ZNF148: variants seen among roughly 807,000 people sequenced by gnomAD.
ZNF148 encodes zinc finger protein 148.
Under a neutral mutation model 67.7 loss-of-function variants are expected in ZNF148, and 7 were observed. The ratio of observed to expected loss-of-function variants is 0.10; its 90% CI spans 0.06 to 0.19. The LOEUF is 0.19. Ranked by LOEUF, ZNF148 falls within the 10% of genes least tolerant of loss-of-function variation. The pLI, the probability that ZNF148 is intolerant of heterozygous loss-of-function variation, is 1.00. For missense variants in ZNF148, 583 were observed against 947.1 expected (o/e 0.62, Z 5.05); for synonymous variants, 333 against 330.7 (o/e 1.01, Z -0.08).
At chr3:125,305,635 G>A (rs1437783404) in intron 4 of ZNF148, among the ~76,000 whole-genome samples, 1 of 151,836 alleles carries the variant, frequency 6.6e-6, no homozygotes. Context: ...AACATAGTGA[G>A]ACTCTGTCTC....
At chr3:125,325,021 C>G (rs951622586) in intron 2 of ZNF148, among the ~76,000 whole-genome samples, 1 of 151,968 alleles carries the variant, frequency 6.6e-6, no homozygotes, top group Non-Finnish European at 1.5e-5. Context: ...AGGGGAGGGG[C>G]TCATCACAAT....
rs116666874 is a variant in ZNF148, at chr3:125,226,053, C to G, written c.*6288G>C. ...GAAAGAAAAAAGAAAAGAAATCCCA[C>G]GTATGCTGACAGTGGGTTAACAGAG... is the stretch of plus-strand genomic sequence containing the variant. On this transcript the variant is annotated 3_prime_UTR_variant, in exon 9 of 9. Coordinates refer to ENST00000360647, the MANE Select transcript of ZNF148 (RefSeq NM_021964.3). The G allele has an allele frequency of 6.6e-6, 1 of 152,554 alleles. No homozygotes were observed. The highest frequency in any genetic ancestry group is 6.5e-5 in the Admixed American group (1 of 15,272). The allele number at this position is 152,554 out of a possible 1,614,324, so 9.5% of individuals were successfully genotyped here.
rs562418764 is a variant in ZNF148, at chr3:125,337,275, T to C, written c.-233-6037A>G. 1.1e-3 allele frequency among the ~76,000 whole-genome samples: 162 copies of C among 152,306 alleles called. 1 individual carries two copies. Among genetic ancestry groups the C allele is most frequent in the Middle Eastern group, 3.4e-3 (1 of 294 alleles). ...TAGAAAAAGTGATGCTACAAAAGCA[T>C]TGTTATAAACAATGCTACAAAAATA... On this transcript the variant is annotated intron_variant, in intron 1 of 8. Transcript: ENST00000360647.
intron 5 of ZNF148, among the ~76,000 whole-genome samples, chr3:125,284,387 G>T (rs1230794826): frequency 6.6e-6 from 1 of 152,116 alleles, no homozygotes; most frequent in East Asian, 1.9e-4. Context: ...AAAGGAAAGT[G>T]ATGTTAAGTG....
chr3:125,351,454 C>T (rs1048013883), intron 1 of ZNF148, among the ~76,000 whole-genome samples: 2 of 133,852 alleles, frequency 1.5e-5, no homozygotes, highest in African/African-American at 5.7e-5. Context: ...AAAATGAAAA[C>T]GTTCTAGAGA....
At chr3:125,277,067 C>T (rs1379858834) in intron 7 of ZNF148, among the ~76,000 whole-genome samples, 1 of 152,158 alleles carries the variant, frequency 6.6e-6, no homozygotes, top group Admixed American at 6.5e-5. Context: ...CACTGGAAAT[C>T]AATTCTAAAG....
At chr3:125,372,121 TCA>T (rs2107803988) in intron 1 of ZNF148, among the ~76,000 whole-genome samples, 1 of 151,754 alleles carries the variant, frequency 6.6e-6, no homozygotes, top group African/African-American at 2.4e-5. Flanking sequence ...TGAACAACTA[TCA>T]TTGTCAAGCA....
chr3:125,359,467 T>C (rs1488473881), intron 1 of ZNF148, among the ~76,000 whole-genome samples: 4 of 152,242 alleles, frequency 2.6e-5, no homozygotes, highest in African/African-American at 9.6e-5. Flanking sequence ...CAGTGGCTCA[T>C]GTCTATAATC....
intron 5 of ZNF148, among the ~76,000 whole-genome samples, chr3:125,279,618 A>G (rs1938268197): frequency 6.6e-6 from 1 of 152,192 alleles, no homozygotes; most frequent in Non-Finnish European, 1.5e-5. Flanking sequence ...ACATGATCTA[A>G]TATCAATCAG....
intron 3 of ZNF148, among the ~76,000 whole-genome samples, chr3:125,315,707 C>CA (rs35145293): frequency 0.66 from 74,846 of 113,094 alleles, 24,060 homozygotes; most frequent in Non-Finnish European, 0.75. Flanking sequence ...GACTCCATCT[C>CA]AAAAAAAAAA....
chr3:125,267,665 A>T (rs1937564161), intron 7 of ZNF148, among the ~76,000 whole-genome samples: 1 of 152,190 alleles, frequency 6.6e-6, no homozygotes, highest in South Asian at 2.1e-4. Context: ...TAAGAACTGG[A>T]ACAAGACAAG....
intron 7 of ZNF148, among the ~76,000 whole-genome samples, chr3:125,277,304 C>G (rs776473159): frequency 6.6e-6 from 1 of 152,050 alleles, no homozygotes; most frequent in Non-Finnish European, 1.5e-5. Flanking sequence ...CAGTTCTCAA[C>G]TTTTTAAGAT....
chr3:125,293,209 AC>A (rs1258116004), intron 4 of ZNF148, among the ~76,000 whole-genome samples: 1 of 152,170 alleles, frequency 6.6e-6, no homozygotes, highest in Admixed American at 6.5e-5. Flanking sequence ...AAGGGACCCC[AC>A]GGCCAGAACA....
At position 125,233,884 on chromosome 3, in the gene ZNF148, T is replaced by C. The variant is rs1275486379; in HGVS notation, c.842A>G (p.His281Arg). The C allele has an allele frequency of 6.2e-7, 1 of 1,612,170 alleles. No individual in the cohort carries two copies. The highest frequency in any genetic ancestry group is 1.1e-5 in the South Asian group (1 of 90,696). ...GGCACATCTATTTAGTTTTTTGTCA[T>C]GATTTTCATGGCACATACGTTTATG... ...LKHKRMCHEN[H>R]DKKLNRCAIK... is the part of the protein sequence containing the mutation. Residue 281 changes from histidine (H) to arginine (R), a missense_variant, in exon 9 of 9, where the codon CAT becomes CGT. Physicochemically the swap from His to Arg is conservative, Grantham distance 29 (BLOSUM62 0). This residue lies in a region of ZNF148 where 78 missense variants were observed against 86.5 expected (regional missense o/e 0.90). Transcript: ENST00000360647. The surrounding 1 kb of genome is among the most constrained non-coding windows in gnomAD (Gnocchi z 5.1).
At chr3:125,359,280 AGG>A (rs1401007665) in intron 1 of ZNF148, among the ~76,000 whole-genome samples, 2 of 152,260 alleles carry the variant, frequency 1.3e-5, no homozygotes, top group Non-Finnish European at 2.9e-5. Flanking sequence ...ATGAAAGCCC[AGG>A]GCTAAATCCT....
rs906933633 is a variant in ZNF148, at chr3:125,232,221, GCTTAA to G, written c.*115_*119del. The G allele has an allele frequency of 3.7e-5, 45 of 1,206,646 alleles. No individual in the cohort carries two copies. Among genetic ancestry groups the G allele is most frequent in the African/African-American group, 2.6e-4 (17 of 65,240 alleles). 74.7% of individuals were successfully genotyped at this position (1,206,646 alleles called of 1,614,324 possible). On this transcript the variant is annotated 3_prime_UTR_variant, in exon 9 of 9. Transcript: ENST00000360647. This position sits in a 1 kb window ranked among gnomAD's most constrained non-coding sequence, Gnocchi z 4.2. The stretch of plus-strand genomic sequence containing the variant: ...TTGGATTATCTTGCTATTCATATCA[GCTTAA>G]CTTGTTATTACGCATTGCTCTTAAA...
rs1553708261 is a variant in ZNF148, at chr3:125,317,662, T to TAGAG, written c.-16-4010_-16-4007dup. ...GATCTTTTATATATATATATATATA[T>TAGAG]AGAGAGAGAGAGAGAGAAATACATA... On this transcript the variant is annotated intron_variant, in intron 3 of 8. Coordinates refer to ENST00000360647, the MANE Select transcript of ZNF148 (RefSeq NM_021964.3). Among the ~76,000 whole-genome samples the TAGAG allele has an allele frequency of 2.3e-3, 205 of 90,042 alleles. 2 individuals are homozygous for TAGAG. The highest frequency in any genetic ancestry group is 6.4e-3 in the East Asian group (26 of 4,066). 59.1% of individuals were successfully genotyped at this position (90,042 alleles called of 152,430 possible). A position where few individuals can be genotyped will look rare whatever the true frequency, so the allele number is the denominator to read the frequency against.
Position 125,233,302 on chromosome 3 carries a change from C to T in ZNF148, c.1424G>A (p.Arg475Gln). ...GTTGTTACTTGCTGCTTGAAGATAC[C>T]GCTTCTTCTTCAAAAACTGCATGGC... is the stretch of plus-strand genomic sequence containing the variant. ...DDAMQFLKKK[R>Q]YLQAASNNSR... Residue 475 changes from arginine (R) to glutamine (Q), a missense_variant, in exon 9 of 9, where the codon CGG (arginine) becomes CAG (glutamine). Transcript: ENST00000360647. This position sits in a 1 kb window ranked among gnomAD's most constrained non-coding sequence, Gnocchi z 5.1. 1 of 1,613,844 alleles carries T rather than the reference C, an allele frequency of 6.2e-7. No homozygotes were observed. Among genetic ancestry groups the T allele is most frequent in the Non-Finnish European group, 8.5e-7 (1 of 1,179,888 alleles).
At chr3:125,372,121 T>C (rs1942912285) in intron 1 of ZNF148, among the ~76,000 whole-genome samples, 1 of 151,648 alleles carries the variant, frequency 6.6e-6, no homozygotes, top group Non-Finnish European at 1.5e-5. Flanking sequence ...TGAACAACTA[T>C]CATTGTCAAG....
Sources: gnomAD v4.1 joint callset for allele counts (sites outside exome capture counted in the v4.1 genomes callset) on GRCh38, gnomAD v4.1.1 for gene constraint, gnomAD v4.1.1 regional missense constraint, Gnocchi (gnomAD v3.1) non-coding constraint, MANE v1.5 for transcripts, NCBI Gene and HGNC (gene_info 2026-07-23, HGNC 2026-07-21) for gene names.